Variants in SEZ6L2 observed in about 807,000 individuals in gnomAD.
SEZ6L2 encodes the protein seizure related 6 homolog like 2.
SEZ6L2 carries 44 observed loss-of-function variants against 97.0 expected under a neutral mutation model. The ratio of observed to expected loss-of-function variants is 0.45; its 90% confidence interval spans 0.36 to 0.58. SEZ6L2 has a LOEUF of 0.58. Among genes scored for constraint, SEZ6L2 ranks in the 20% least tolerant of loss-of-function variants. The probability of loss-of-function intolerance (pLI) is 0.00; values close to 1 mark genes in which losing one functional copy is unlikely to be tolerated. For missense variants in SEZ6L2, 1,086 were observed against 1,233.3 expected, an observed-to-expected ratio of 0.88 and a Z score of 1.79; for synonymous variants, 543 against 546.1, an observed-to-expected ratio of 0.99 and a Z score of 0.08.
At position 29,878,336 on chromosome 16, in the gene SEZ6L2, A is replaced by G; in HGVS notation, c.1663T>C (p.Trp555Arg). 1 of 1,602,062 alleles carries G rather than the reference A, an allele frequency of 6.2e-7. No homozygotes were observed. The highest frequency in any genetic ancestry group is 8.5e-7 in the Non-Finnish European group (1 of 1,173,834). Residue 555 changes from tryptophan (W) to arginine (R), a missense_variant, in exon 10 of 18, where the codon TGG (tryptophan) becomes CGG (arginine). Trp to Arg is a moderately radical substitution (Grantham distance 101). Coordinates refer to ENST00000617533, the MANE Select transcript of SEZ6L2 (RefSeq NM_001243332.2). ...QSYSPGQDCV[W>R]GVHVQEEKRI... ...TTCTCTTCCTGGACGTGCACGCCCC[A>G]CACGCAGTCTTGGCCCGGGCTATAG...
intron 5 of SEZ6L2, among the ~76,000 whole-genome samples, chr16:29,891,134 G>A (rs991288267): frequency 1.3e-5 from 2 of 151,968 alleles, no homozygotes; most frequent in African/African-American, 2.4e-5. Flanking sequence ...TAGAGACGGT[G>A]TTTCACCATG....
chr16:29,885,762 G>A lies in SEZ6L2; in HGVS notation c.1209-13C>T, dbSNP rs1458771662. 1.3e-6 allele frequency: 2 copies of A among 1,589,864 alleles called. No individual in the cohort carries two copies. The highest frequency in any genetic ancestry group is 1.7e-6 in the Non-Finnish European group (2 of 1,162,214). On this transcript the variant is annotated splice_polypyrimidine_tract_variant and intron_variant, in intron 7 of 17. Coordinates refer to ENST00000617533, the MANE Select transcript of SEZ6L2 (RefSeq NM_001243332.2). ...GCGCACCATCAGCCTGGGATGGACA[G>A]AAACGTGACCAGGAGCTCAATCTCC...
At chr16:29,888,375 G>C (rs532461409) in intron 6 of SEZ6L2, among the ~76,000 whole-genome samples, 165 bp downstream of exon 6, 1 of 152,056 alleles carries the variant, frequency 6.6e-6, no homozygotes, top group African/African-American at 2.4e-5. Flanking sequence ...GAGACCCTCC[G>C]CACAAAGAGC....
At position 29,887,693 on chromosome 16, in the gene SEZ6L2, C is replaced by T; in HGVS notation, c.1164G>A (p.Leu388=). Reference sequence around the variant, plus strand: ...GCGAGACCCTTTCAAAGTGCAGGTGCAGCCGGCGCCCCTCAGCTGCTTCAA... The same window carrying T: ...GCGAGACCCTTTCAAAGTGCAGGTGTAGCCGGCGCCCCTCAGCTGCTTCAA... The part of the protein sequence containing the change: ...WVIEAAEGRR[L]HLHFERVSLD... Residue 388 remains leucine (L), a synonymous_variant, in exon 7 of 18, where the codon CTG becomes CTA. Transcript: ENST00000617533. 2 of 1,607,142 alleles carry T rather than the reference C, an allele frequency of 1.2e-6. No homozygotes were observed. Among genetic ancestry groups the T allele is most frequent in the Non-Finnish European group, 1.7e-6 (2 of 1,175,856 alleles).
In SEZ6L2 at chr16:29,893,249, G is replaced by A. The variant is rs966156722; in HGVS notation, c.853+2010C>T. ...TGAGGCAGGAGAATCGCTTGAACCC[G>A]GGAGGCAGAGGCTGCGGTGAGCCAA... On this transcript the variant is annotated intron_variant, in intron 5 of 17. Transcript: ENST00000617533. 5.3e-5 allele frequency among the ~76,000 whole-genome samples: 8 copies of A among 151,908 alleles called. No individual in the cohort carries two copies. In the South Asian group the frequency reaches 8.3e-4, roughly 16 times the overall value.
At chr16:29,872,867 A>G in intron 14 of SEZ6L2, 124 bp from the exon 15 acceptor site, 2 of 757,882 alleles carry the variant, frequency 2.6e-6, no homozygotes, top group Middle Eastern at 3.2e-4. Flanking sequence ...GCTCAACCTC[A>G]ACTTTCTCCC....
Position 29,877,264 on chromosome 16 carries a change from T to C in SEZ6L2, c.1909+7A>G, listed in dbSNP as rs772817039. 6.4e-7 allele frequency: 1 copy of C among 1,573,810 alleles called. No homozygotes were observed. The highest frequency in any genetic ancestry group is 8.6e-7 in the Non-Finnish European group (1 of 1,159,494). On this transcript the variant is annotated splice_region_variant and intron_variant, in intron 11 of 17. Transcript: ENST00000617533. ...CCTGCCCATCCCGGGACTCTATCCC[T>C]CAGTACCTTTGAAGTGCAATACGAA...
intron 5 of SEZ6L2, among the ~76,000 whole-genome samples, chr16:29,889,574 C>T (rs1396837131): frequency 1.3e-5 from 2 of 151,184 alleles, no homozygotes; most frequent in African/African-American, 2.4e-5. Flanking sequence ...GGTATACCCT[C>T]AGCTCCTCAG....
rs368702147 is a variant in SEZ6L2, at chr16:29,879,883, G to A, written c.1554C>T (p.Asp518=). Residue 518 remains aspartate, a synonymous_variant, in exon 9 of 18, where the codon GAC becomes GAT. Transcript: ENST00000617533. ...GCTCACCTTTGCAGGCCGGCTCTGTGTCGTTCCAGTGGGGTTCTGTGGGAT... is the reference window on the plus strand; with the variant it reads ...GCTCACCTTTGCAGGCCGGCTCTGTATCGTTCCAGTGGGGTTCTGTGGGAT... The part of the protein sequence containing the change: ...CVDPTEPHWN[D]TEPACKAMCG... 6.3e-5 allele frequency: 102 copies of A among 1,609,102 alleles called. No homozygotes were observed. Among genetic ancestry groups the A allele is most frequent in the Non-Finnish European group, 4.6e-5 (54 of 1,176,412 alleles).
intron 9 of SEZ6L2, 104 bp from the exon 10 acceptor site, chr16:29,878,529 G>A (rs1395749172): frequency 1.2e-6 from 1 of 851,494 alleles, no homozygotes; most frequent in Non-Finnish European, 1.6e-6. Context: ...CACCTCGCTT[G>A]TTTCCTATTA....
Position 29,871,565 on chromosome 16 carries a change from C to G in SEZ6L2, c.*134G>C. The G allele has an allele frequency of 2.2e-6, 2 of 889,226 alleles. No individual in the cohort carries two copies. Among genetic ancestry groups the G allele is most frequent in the Non-Finnish European group, 3.7e-6 (2 of 545,408 alleles). The allele number at this position is 889,226 out of a possible 1,614,324, so 55.1% of individuals were successfully genotyped here. ...GGATCTCCAGGGCCATCAAAGCCCC[C>G]TCGTGGGATAGGGAGACTATTTACA... On this transcript the variant is annotated 3_prime_UTR_variant, in exon 18 of 18. Transcript: ENST00000617533.
chr16:29,896,842 G>A lies in SEZ6L2; in HGVS notation c.491C>T (p.Thr164Ile), dbSNP rs760465798. ...TTTIITTTTV[T>I]TTVTSPVLCN... is the part of the protein sequence containing the mutation. Reference sequence around the variant, plus strand: ...CTCACCTGGGCTGGTCACCGTAGTGGTAACAGTTGTCGTGGTGATGATGGT... The same window carrying A: ...CTCACCTGGGCTGGTCACCGTAGTGATAACAGTTGTCGTGGTGATGATGGT... Residue 164 changes from threonine (T) to isoleucine (I), a missense_variant, in exon 3 of 18, where the codon ACC becomes ATC. Coordinates refer to ENST00000617533, the MANE Select transcript of SEZ6L2 (RefSeq NM_001243332.2). The A allele has an allele frequency of 3.7e-6, 6 of 1,614,080 alleles. No homozygotes were observed. The highest frequency in any genetic ancestry group is 5.1e-6 in the Non-Finnish European group (6 of 1,179,986).
intron 7 of SEZ6L2, 168 bp from the exon 8 acceptor site, chr16:29,885,917 C>T (rs2068130033): frequency 3.4e-6 from 2 of 587,960 alleles, no homozygotes; most frequent in East Asian, 3.0e-5. Flanking sequence ...TTCACAAGAA[C>T]TCTTGAGTCA....
At chr16:29,874,562 T>TG (rs1567410740) in intron 12 of SEZ6L2, among the ~76,000 whole-genome samples, 78 of 85,870 alleles carry the variant, frequency 9.1e-4, no homozygotes, top group Non-Finnish European at 1.4e-3. Flanking sequence ...TTTTTTTTTT[T>TG]TTTTTTTTTT....
intron 12 of SEZ6L2, among the ~76,000 whole-genome samples, chr16:29,875,882 G>C (rs140911144): frequency 1.3e-5 from 2 of 151,542 alleles, no homozygotes; most frequent in Non-Finnish European, 2.9e-5. Context: ...GGCTGGTCTC[G>C]AACTCCAGAC....
Position 29,873,272 on chromosome 16 carries a change from G to T in SEZ6L2, c.2456C>A (p.Ser819Tyr). 1 of 1,614,094 alleles carries T rather than the reference G, an allele frequency of 6.2e-7. No homozygotes were observed. Among genetic ancestry groups the T allele is most frequent in the Middle Eastern group, 1.6e-4 (1 of 6,062 alleles). Residue 819 changes from serine to tyrosine, a missense_variant, in exon 14 of 18, where the codon TCC (serine) becomes TAC (tyrosine). By Grantham distance (144) the Ser-to-Tyr change is moderately radical (BLOSUM62 -2). Coordinates refer to ENST00000617533, the MANE Select transcript of SEZ6L2 (RefSeq NM_001243332.2). This position sits in a 1 kb window ranked among gnomAD's most constrained non-coding sequence, Gnocchi z 4.3. ...GAGTGGGGGCTGGCTGGTCCACTGG[G>T]AGGGGTGGCCGGGCACACAGGTGAT... ...VTITCVPGHP[S>Y]QWTSQPPLCK...
Position 29,896,901 on chromosome 16 carries a change from A to T in SEZ6L2, c.432T>A (p.Leu144=). The T allele has an allele frequency of 6.2e-7, 1 of 1,611,494 alleles. No homozygotes were observed. Among genetic ancestry groups the T allele is most frequent in the Non-Finnish European group, 8.5e-7 (1 of 1,177,922 alleles). The change falls in exon 3 of 18, where the codon CTT becomes CTA. Residue 144 remains leucine (L), a synonymous_variant. Transcript: ENST00000617533. The part of the protein sequence containing the change: ...PPSPASPGPP[L]GPEGGEEETT... ...TCTCCTCCTCTCCTCCCTCAGGCCC[A>T]AGGGGAGGCCCTGGGGAGGCAGGGC...
chr16:29,882,974 T>C (rs1176464137), intron 8 of SEZ6L2, among the ~76,000 whole-genome samples: 1 of 152,212 alleles, frequency 6.6e-6, no homozygotes, highest in Non-Finnish European at 1.5e-5. Context: ...CTATTTTCGG[T>C]AAAAGATCTG....
At chr16:29,885,837 C>G in intron 7 of SEZ6L2, 88 bp from the exon 8 acceptor site, 1 of 1,315,976 alleles carries the variant, frequency 7.6e-7, no homozygotes, top group Non-Finnish European at 1.0e-6. Context: ...ATTTTTATAG[C>G]TGTTATCATC....
Sources: allele counts gnomAD v4.1 joint callset (sites outside exome capture counted in the v4.1 genomes callset), GRCh38; gene constraint gnomAD v4.1.1; non-coding constraint Gnocchi (gnomAD v3.1); transcripts MANE v1.5; gene names NCBI Gene and HGNC (gene_info 2026-07-23, HGNC 2026-07-21).